SPIDR: variants seen among roughly 807,000 people sequenced by gnomAD.
SPIDR encodes scaffold protein involved in DNA repair.
In SPIDR, 93 loss-of-function variants were observed where a neutral mutation model predicts 104.6. The observed-to-expected ratio is 0.89, with a 90% confidence interval of 0.75 to 1.06. SPIDR has a LOEUF of 1.06. Ranked by LOEUF, SPIDR falls within the 50% of genes least tolerant of loss-of-function variation. The pLI, the probability that SPIDR is intolerant of heterozygous loss-of-function variation, is 0.00. For missense variants in SPIDR, 1,154 were observed against 1,111.2 expected (o/e 1.04, Z -0.55); for synonymous variants, 431 against 416.9 (o/e 1.03, Z -0.41).
chr8:47,626,913 A>G (rs1207715797), intron 10 of SPIDR, among the ~76,000 whole-genome samples: 10 of 152,208 alleles, frequency 6.6e-5, no homozygotes, highest in Non-Finnish European at 1.5e-5. Context: ...ATTATAAATC[A>G]TGCTGCTATA....
rs1333212191 is a variant in SPIDR at position 47,368,927 on chromosome 8, T to C, written c.526-27449T>C. 2.0e-5 allele frequency among the ~76,000 whole-genome samples: 3 copies of C among 152,314 alleles called. No individual in the cohort carries two copies. The East Asian group carries it at 5.8e-4, about 29-fold the overall frequency. On this transcript the variant is annotated intron_variant, in intron 5 of 19. Coordinates refer to ENST00000297423, the MANE Select transcript of SPIDR (RefSeq NM_001080394.4). ...GAAACAGCTTCTATCAGAGGTTTGT[T>C]AGAACTTATGAAAGTTGTAGTAAAC... is the stretch of plus-strand genomic sequence containing the variant.
At chr8:47,513,648 A>T (rs2082695227) in intron 8 of SPIDR, among the ~76,000 whole-genome samples, 1 of 152,184 alleles carries the variant, frequency 6.6e-6, no homozygotes, top group Non-Finnish European at 1.5e-5. Context: ...GACTCATAGT[A>T]TACAGTGGAC....
At position 47,316,544 on chromosome 8, in the gene SPIDR, G is replaced by T. The variant is rs183210491; in HGVS notation, c.525+22514G>T. On this transcript the variant is annotated intron_variant, in intron 5 of 19. Transcript: ENST00000297423. Reference sequence around the variant, plus strand: ...AGCAATGATAAGGAACACTGTCTTGGTACATCAACAACATAATGAATTTCA... The same window carrying T: ...AGCAATGATAAGGAACACTGTCTTGTTACATCAACAACATAATGAATTTCA... Among the ~76,000 whole-genome samples, 458 of 152,244 alleles carry T rather than the reference G, an allele frequency of 3.0e-3. 2 individuals are homozygous for T. Among genetic ancestry groups the T allele is most frequent in the Middle Eastern group, 6.8e-3 (2 of 294 alleles).
At chr8:47,431,027 A>C (rs1336459784) in intron 7 of SPIDR, among the ~76,000 whole-genome samples, 1 of 152,198 alleles carries the variant, frequency 6.6e-6, no homozygotes, top group South Asian at 2.1e-4. Context: ...TCAGGCTGCC[A>C]TCACAAAATC....
chr8:47,326,813 C>G (rs1424853861), intron 5 of SPIDR, among the ~76,000 whole-genome samples: 1 of 152,150 alleles, frequency 6.6e-6, no homozygotes, highest in African/African-American at 2.4e-5. Flanking sequence ...GGATAATGTT[C>G]CATTGAATGT....
At chr8:47,521,369 T>G (rs564956154) in intron 8 of SPIDR, among the ~76,000 whole-genome samples, 1 of 152,196 alleles carries the variant, frequency 6.6e-6, no homozygotes, top group East Asian at 1.9e-4. Flanking sequence ...TGGCTATAAA[T>G]GAAGAAATTA....
chr8:47,501,962 G>A (rs954951316), intron 8 of SPIDR, among the ~76,000 whole-genome samples: 2 of 152,168 alleles, frequency 1.3e-5, no homozygotes, highest in Non-Finnish European at 2.9e-5. Context: ...ATTTGTGTAT[G>A]TTGAACCAGC....
chr8:47,691,654 A>T (rs2078671843), intron 11 of SPIDR, among the ~76,000 whole-genome samples: 1 of 152,224 alleles, frequency 6.6e-6, no homozygotes, highest in Admixed American at 6.5e-5. Flanking sequence ...TTTGTATTCT[A>T]AGCCATGTTC....
intron 10 of SPIDR, among the ~76,000 whole-genome samples, chr8:47,657,679 G>C (rs2073094697): frequency 1.3e-5 from 2 of 152,202 alleles, no homozygotes; most frequent in African/African-American, 4.8e-5. Context: ...GGTTCTCTCT[G>C]TGGTATTTCT....
chr8:47,423,290 C>CT (rs1421042402), intron 7 of SPIDR, among the ~76,000 whole-genome samples: 1 of 116,310 alleles, frequency 8.6e-6, no homozygotes, highest in African/African-American at 2.7e-5. Context: ...GAGCGAGACT[C>CT]TGTCTCAAAA....
At chr8:47,613,669 A>G (rs1212059656) in intron 10 of SPIDR, among the ~76,000 whole-genome samples, 1 of 152,168 alleles carries the variant, frequency 6.6e-6, no homozygotes, top group African/African-American at 2.4e-5. Context: ...TTTTGTAACA[A>G]TAACCATCCT....
At chr8:47,478,148 G>C (rs2076490344) in intron 8 of SPIDR, among the ~76,000 whole-genome samples, 1 of 152,234 alleles carries the variant, frequency 6.6e-6, no homozygotes, top group Non-Finnish European at 1.5e-5. Context: ...ACACGCATCA[G>C]GTCTGTGTTT....
At chr8:47,630,511 G>A (rs552439494) in intron 10 of SPIDR, among the ~76,000 whole-genome samples, 12 of 152,300 alleles carry the variant, frequency 7.9e-5, no homozygotes, top group African/African-American at 2.6e-4. Context: ...TTAAAGAAAT[G>A]TGTGAAGTGC....
chr8:47,682,655 A>G (rs1190156644), intron 11 of SPIDR, among the ~76,000 whole-genome samples: 1 of 152,242 alleles, frequency 6.6e-6, no homozygotes, highest in African/African-American at 2.4e-5. Flanking sequence ...CAACTATTTC[A>G]TAAGTTCAGT....
chr8:47,592,472 A>G, intron 8 of SPIDR: 2 of 1,427,228 alleles, frequency 1.4e-6, no homozygotes, highest in South Asian at 2.3e-5. Flanking sequence ...TCAAAGGGGG[A>G]AGGAATCCTG....
rs527539176 is a variant in SPIDR, at chr8:47,539,747, TA to T, written c.1098-56050del. On this transcript the variant is annotated intron_variant, in intron 8 of 19. Coordinates refer to ENST00000297423, the MANE Select transcript of SPIDR (RefSeq NM_001080394.4). Reference sequence around the variant, plus strand: ...TCTTAAGGTCCTTCACTTTTCTTCTTAAAAAAAAAAAAAACCCTTTTCCCAA... The same window carrying T: ...TCTTAAGGTCCTTCACTTTTCTTCTTAAAAAAAAAAAAACCCTTTTCCCAA... Among the ~76,000 whole-genome samples the T allele has an allele frequency of 6.3e-3, 879 of 139,376 alleles. 7 individuals are homozygous for T. The highest frequency in any genetic ancestry group is 0.019 in the African/African-American group (712 of 38,200). 91.4% of individuals were successfully genotyped at this position (139,376 alleles called of 152,430 possible). A position where few individuals can be genotyped will look rare whatever the true frequency, so the allele number is the denominator to read the frequency against.
chr8:47,391,719 G>T (rs1261418701), intron 5 of SPIDR, among the ~76,000 whole-genome samples: 2 of 151,898 alleles, frequency 1.3e-5, no homozygotes, highest in Non-Finnish European at 2.9e-5. Context: ...AAAAAAGGCC[G>T]GGCGTGGTGG....
chr8:47,672,467 T>TA (rs1347529209), intron 10 of SPIDR, among the ~76,000 whole-genome samples: 5 of 152,216 alleles, frequency 3.3e-5, no homozygotes, highest in African/African-American at 1.2e-4. Flanking sequence ...CTGAGTAATT[T>TA]ATTCAGATTT....
At chr8:47,578,835 T>C (rs1358461972) in intron 8 of SPIDR, among the ~76,000 whole-genome samples, 5 of 152,192 alleles carry the variant, frequency 3.3e-5, no homozygotes, top group Admixed American at 3.3e-4. Context: ...GCACATACAA[T>C]CATAAATGCC....
Sources: allele counts gnomAD v4.1 joint callset (sites outside exome capture counted in the v4.1 genomes callset), GRCh38; gene constraint gnomAD v4.1.1; transcripts MANE v1.5; gene names NCBI Gene and HGNC (gene_info 2026-07-23, HGNC 2026-07-21).